The following TMEM132D variants were observed in gnomAD, a reference collection of about 807,000 sequenced individuals.
TMEM132D encodes mature OL transmembrane protein.
Under a neutral mutation model 62.3 loss-of-function variants are expected in TMEM132D, and 21 were observed. The observed-to-expected ratio is 0.34, with a 90% confidence interval of 0.24 to 0.49. The LOEUF is 0.49. TMEM132D is among the 20% of genes least tolerant of loss of function. The pLI is 0.99. For missense variants in TMEM132D, 1,346 were observed against 1,402.8 expected (o/e 0.96, Z 0.65); for synonymous variants, 621 against 575.6 (o/e 1.08, Z -1.13).
At chr12:129,270,468 T>C (rs1880824587) in intron 4 of TMEM132D, among the ~76,000 whole-genome samples, 1 of 152,230 alleles carries the variant, frequency 6.6e-6, no homozygotes, top group Admixed American at 6.5e-5. Flanking sequence ...CATGTAATCT[T>C]ACCACATATT....
At position 129,678,780 on chromosome 12, in the gene TMEM132D, G is replaced by A. The variant is rs555207330; in HGVS notation, c.968+21030C>T. Among the ~76,000 whole-genome samples, 109 of 152,100 alleles carry A rather than the reference G, an allele frequency of 7.2e-4. 1 individual carries two copies. Among genetic ancestry groups the A allele is most frequent in the African/African-American group, 2.5e-3 (104 of 41,528 alleles). On this transcript the variant is annotated intron_variant, in intron 2 of 8. Transcript: ENST00000422113. The stretch of plus-strand genomic sequence containing the variant: ...TACTTTTTCCTTTTAATGCCCAATT[G>A]ATACGACATCAATGCCTATAAATGG...
chr12:129,365,078 C>A (rs1482501015), intron 3 of TMEM132D, among the ~76,000 whole-genome samples: 1 of 152,148 alleles, frequency 6.6e-6, no homozygotes, highest in African/African-American at 2.4e-5. Flanking sequence ...ATCACCTTTT[C>A]TTGTCATTTA....
In TMEM132D at chr12:129,590,123, A is replaced by T. The variant is rs1280058444; in HGVS notation, c.969-58918T>A. On this transcript the variant is annotated intron_variant, in intron 2 of 8. Coordinates refer to ENST00000422113, the MANE Select transcript of TMEM132D (RefSeq NM_133448.3). ...AAGTGTTGCTCTTTTTATATTTTGA[A>T]TTTTTTTCATTCCTCTCCAAACCCT... is the stretch of plus-strand genomic sequence containing the variant. Among the ~76,000 whole-genome samples the T allele has an allele frequency of 2.0e-5, 3 of 151,844 alleles. No individual in the cohort carries two copies. In the South Asian group the frequency reaches 6.2e-4, roughly 32 times the overall value.
intron 3 of TMEM132D, among the ~76,000 whole-genome samples, chr12:129,478,920 T>A (rs939261657): frequency 1.3e-5 from 2 of 151,862 alleles, no homozygotes; most frequent in Non-Finnish European, 2.9e-5. Flanking sequence ...TTAAAATATG[T>A]TAAAAATAAT....
chr12:129,883,915 A>C (rs559815076), intron 1 of TMEM132D, among the ~76,000 whole-genome samples: 1 of 152,184 alleles, frequency 6.6e-6, no homozygotes, highest in Non-Finnish European at 1.5e-5. Context: ...ATAGACCTCA[A>C]TGCAATAAAA....
At chr12:129,653,433 A>G (rs370553081) in intron 2 of TMEM132D, among the ~76,000 whole-genome samples, 4 of 152,340 alleles carry the variant, frequency 2.6e-5, no homozygotes, top group South Asian at 4.1e-4. Context: ...GAAGCAGCAC[A>G]TTATCTTTAA....
chr12:129,323,385 C>T (rs1326772780), intron 4 of TMEM132D, among the ~76,000 whole-genome samples: 1 of 151,172 alleles, frequency 6.6e-6, no homozygotes, highest in Non-Finnish European at 1.5e-5. Context: ...TAACACCAAA[C>T]TCTGTGAACA....
intron 4 of TMEM132D, among the ~76,000 whole-genome samples, chr12:129,233,810 ATAT>A (rs1045747171): frequency 1.3e-5 from 2 of 151,824 alleles, no homozygotes; most frequent in Non-Finnish European, 2.9e-5. Context: ...CCTATAGATG[ATAT>A]TATTATTATT....
intron 1 of TMEM132D, among the ~76,000 whole-genome samples, chr12:129,879,396 C>T (rs1011193145): frequency 2.6e-5 from 4 of 152,204 alleles, no homozygotes; most frequent in African/African-American, 9.6e-5. Flanking sequence ...TCACTTCCAT[C>T]CTAACACAAC....
At chr12:129,162,058 A>T (rs1877415034) in intron 5 of TMEM132D, among the ~76,000 whole-genome samples, 1 of 152,110 alleles carries the variant, frequency 6.6e-6, no homozygotes. Context: ...GGTGAGGGTT[A>T]TGGGCTGAAC....
At chr12:129,597,828 A>G (rs1878377783) in intron 2 of TMEM132D, among the ~76,000 whole-genome samples, 1 of 152,168 alleles carries the variant, frequency 6.6e-6, no homozygotes, top group African/African-American at 2.4e-5. Flanking sequence ...TGTGGAGCTC[A>G]GACAATCACA....
intron 5 of TMEM132D, among the ~76,000 whole-genome samples, chr12:129,203,551 G>C (rs1878765005): frequency 6.6e-6 from 1 of 152,102 alleles, no homozygotes; most frequent in African/African-American, 2.4e-5. Flanking sequence ...TGGTAGCCAG[G>C]CAAGCCACTC....
chr12:129,372,326 G>C (rs1472471114), intron 3 of TMEM132D, among the ~76,000 whole-genome samples: 8 of 152,240 alleles, frequency 5.3e-5, no homozygotes, highest in Admixed American at 5.2e-4. Flanking sequence ...TCCATGGCCT[G>C]TTAGGAACTG....
intron 5 of TMEM132D, among the ~76,000 whole-genome samples, chr12:129,149,163 T>G: frequency 7.3e-6 from 1 of 136,920 alleles, no homozygotes; most frequent in Admixed American, 7.9e-5. Context: ...CACTCACAAG[T>G]GGGAGTTGAA....
At chr12:129,678,910 G>A (rs540212654) in intron 2 of TMEM132D, among the ~76,000 whole-genome samples, 16 of 151,816 alleles carry the variant, frequency 1.1e-4, no homozygotes, top group South Asian at 1.0e-3. Context: ...TAGTAGCTTC[G>A]TCATACAAAA....
At chr12:129,694,431 A>G (rs915874698) in intron 2 of TMEM132D, among the ~76,000 whole-genome samples, 1 of 152,254 alleles carries the variant, frequency 6.6e-6, no homozygotes, top group Non-Finnish European at 1.5e-5. Flanking sequence ...GTGTTAAAGC[A>G]AAATAAATAT....
chr12:129,886,448 A>C (rs1440926716), intron 1 of TMEM132D, among the ~76,000 whole-genome samples: 1 of 152,230 alleles, frequency 6.6e-6, no homozygotes, highest in Non-Finnish European at 1.5e-5. Flanking sequence ...GAAAATATAC[A>C]GACGTTAAGG....
At chr12:129,125,648 T>A (rs1283979042) in intron 5 of TMEM132D, among the ~76,000 whole-genome samples, 1 of 151,872 alleles carries the variant, frequency 6.6e-6, no homozygotes, top group Non-Finnish European at 1.5e-5. Context: ...CAAACATGTT[T>A]GGTCAATTTT....
intron 1 of TMEM132D, among the ~76,000 whole-genome samples, chr12:129,799,898 G>T (rs1393383466): frequency 6.6e-6 from 1 of 152,114 alleles, no homozygotes. Context: ...CTCTTCTCAG[G>T]AGGCTCTCCC....
Sources: allele counts gnomAD v4.1 joint callset (sites outside exome capture counted in the v4.1 genomes callset), GRCh38; gene constraint gnomAD v4.1.1; transcripts MANE v1.5; gene names NCBI Gene and HGNC (gene_info 2026-07-23, HGNC 2026-07-21).